Variants in TRAPPC9 observed in about 807,000 individuals in gnomAD.
TRAPPC9 encodes the protein trafficking protein particle complex subunit 9.
A neutral mutation model predicts 124.0 loss-of-function variants in TRAPPC9; 83 were observed. The ratio of observed to expected loss-of-function variants is 0.67; its 90% confidence interval spans 0.56 to 0.80. The LOEUF is 0.80. Among genes scored for constraint, TRAPPC9 ranks in the 30% least tolerant of loss-of-function variants. The pLI is 0.00. For missense variants in TRAPPC9, 1,302 were observed against 1,508.3 expected, an observed-to-expected ratio of 0.86 and a Z score of 2.27; for synonymous variants, 638 against 617.5, an observed-to-expected ratio of 1.03 and a Z score of -0.49.
intron 7 of TRAPPC9, among the ~76,000 whole-genome samples, chr8:140,394,049 G>C (rs747843168): frequency 6.6e-6 from 1 of 152,308 alleles, no homozygotes; most frequent in East Asian, 1.9e-4. Flanking sequence ...ACAGCAAAAG[G>C]ACAGGCTGCT....
At chr8:140,133,557 C>T (rs983402229) in intron 17 of TRAPPC9, among the ~76,000 whole-genome samples, 12 of 152,124 alleles carry the variant, frequency 7.9e-5, no homozygotes, top group African/African-American at 2.9e-4. Context: ...GAGTCTTCCT[C>T]AGAGCAATTA....
chr8:140,185,385 G>A (rs1434140967), intron 17 of TRAPPC9, among the ~76,000 whole-genome samples: 3 of 152,198 alleles, frequency 2.0e-5, no homozygotes, highest in East Asian at 1.9e-4. Flanking sequence ...CAGGTGCTAC[G>A]CCATCACCAA....
chr8:139,865,091 G>A (rs1021249596), intron 21 of TRAPPC9, among the ~76,000 whole-genome samples: 2 of 152,082 alleles, frequency 1.3e-5, no homozygotes, highest in African/African-American at 2.4e-5. Flanking sequence ...ATTAGGTGGC[G>A]GCAGAGGAAA....
intron 9 of TRAPPC9, among the ~76,000 whole-genome samples, chr8:140,358,099 G>A (rs970046043): frequency 3.9e-5 from 6 of 152,218 alleles, no homozygotes; most frequent in Admixed American, 3.9e-4. Flanking sequence ...AGAGATGGCC[G>A]TGGAAATCAC....
intron 17 of TRAPPC9, among the ~76,000 whole-genome samples, chr8:140,045,017 T>C (rs182245292): frequency 9.5e-4 from 144 of 152,258 alleles, no homozygotes; most frequent in African/African-American, 3.3e-3. Flanking sequence ...CAAAATAAGA[T>C]GCAGAATGAA....
At chr8:139,914,855 C>A (rs1335918693) in intron 19 of TRAPPC9, 1 of 152,302 alleles carries the variant, frequency 6.6e-6, no homozygotes, top group African/African-American at 2.4e-5. Flanking sequence ...CACAGGACGG[C>A]ACATCCCTCC....
At position 140,275,745 on chromosome 8, in the gene TRAPPC9, T is replaced by C; in HGVS notation, c.2191A>G (p.Ser731Gly). 2 of 1,613,964 alleles carry C rather than the reference T, an allele frequency of 1.2e-6. No homozygotes were observed. The highest frequency in any genetic ancestry group is 8.5e-7 in the Non-Finnish European group (1 of 1,179,792). The change falls in exon 15 of 23, where the codon AGT becomes GGT. Residue 731 changes from serine to glycine, a missense_variant. Around this residue, in one of 3 missense-constraint regions of TRAPPC9, gnomAD observed 640 missense variants for 679.3 expected, o/e 0.94. Coordinates refer to ENST00000438773, the MANE Select transcript of TRAPPC9 (RefSeq NM_001160372.4). ...NVSVQLYNGE[S>G]QQLIIKLENI... ...TCCAATTTAATGATTAGTTGCTGAC[T>C]TTCTCCATTGTAAAGCTGGACAGAT...
At position 140,353,122 on chromosome 8, in the gene TRAPPC9, A is replaced by T. The variant is rs1390724263; in HGVS notation, c.1495+6928T>A. 1.3e-5 allele frequency among the ~76,000 whole-genome samples: 2 copies of T among 152,176 alleles called. No individual in the cohort carries two copies. Among genetic ancestry groups the T allele is most frequent in the African/African-American group, 2.4e-5 (1 of 41,432 alleles). On this transcript the variant is annotated intron_variant, in intron 9 of 22. Transcript: ENST00000438773. The surrounding 1 kb of genome is among the most constrained non-coding windows in gnomAD (Gnocchi z 4.2). ...CACTGGACCACAGTAGAAGAGGTAAACCAAAAGACTTCAGATCCCAACAAG... is the reference window on the plus strand; with the variant it reads ...CACTGGACCACAGTAGAAGAGGTAATCCAAAAGACTTCAGATCCCAACAAG...
intron 17 of TRAPPC9, among the ~76,000 whole-genome samples, chr8:140,074,476 G>A (rs534228921): frequency 2.6e-5 from 4 of 152,294 alleles, no homozygotes; most frequent in Non-Finnish European, 4.4e-5. Context: ...TCTGCTTCCC[G>A]TCCACCAGGG....
At chr8:139,952,519 C>G (rs763729360) in intron 19 of TRAPPC9, among the ~76,000 whole-genome samples, 10 of 152,158 alleles carry the variant, frequency 6.6e-5, no homozygotes, top group African/African-American at 2.4e-4. Context: ...CCCGGCAGCT[C>G]GGGTCACCAG....
intron 9 of TRAPPC9, among the ~76,000 whole-genome samples, chr8:140,335,296 T>C (rs1039323983): frequency 4.6e-5 from 7 of 152,214 alleles, no homozygotes; most frequent in South Asian, 4.1e-4. Flanking sequence ...ATTCCAAGTA[T>C]AGGTGTTGAG....
intron 9 of TRAPPC9, among the ~76,000 whole-genome samples, chr8:140,345,815 G>A (rs1232786467): frequency 1.3e-5 from 2 of 152,230 alleles, no homozygotes; most frequent in African/African-American, 4.8e-5. Context: ...CACCACGGAA[G>A]GGGTCACGGG....
At chr8:140,441,282 T>G (rs927213775) in intron 2 of TRAPPC9, among the ~76,000 whole-genome samples, 24 of 151,848 alleles carry the variant, frequency 1.6e-4, no homozygotes, top group Non-Finnish European at 2.8e-4. Flanking sequence ...CAGCTCTTAC[T>G]CTCAAAGGTA....
At chr8:140,265,234 C>T (rs1000961097) in intron 15 of TRAPPC9, among the ~76,000 whole-genome samples, 1 of 152,184 alleles carries the variant, frequency 6.6e-6, no homozygotes, top group Non-Finnish European at 1.5e-5. Flanking sequence ...TGTTCAAAGT[C>T]CCACCTTCAG....
chr8:140,080,053 A>T (rs1441679719), intron 17 of TRAPPC9, among the ~76,000 whole-genome samples: 1 of 152,244 alleles, frequency 6.6e-6, no homozygotes, highest in Non-Finnish European at 1.5e-5. Flanking sequence ...AGTTTGCTTT[A>T]AGAAATGACA....
At chr8:140,073,718 T>G (rs913922548) in intron 17 of TRAPPC9, among the ~76,000 whole-genome samples, 5 of 152,126 alleles carry the variant, frequency 3.3e-5, no homozygotes, top group Non-Finnish European at 7.3e-5. Context: ...TCATCATCAT[T>G]CTCAACACCG....
At chr8:139,885,603 G>A (rs895573758) in intron 21 of TRAPPC9, among the ~76,000 whole-genome samples, 9 of 152,332 alleles carry the variant, frequency 5.9e-5, no homozygotes, top group South Asian at 4.1e-4. Context: ...GCCAAGATCC[G>A]CCTGCTGCAC....
chr8:139,895,045 G>A (rs993911714), intron 20 of TRAPPC9, among the ~76,000 whole-genome samples: 4 of 152,198 alleles, frequency 2.6e-5, no homozygotes, highest in South Asian at 2.1e-4. Context: ...ACCAGAAACC[G>A]GAGGGCTCAA....
At chr8:140,291,189 G>T (rs993011213) in intron 11 of TRAPPC9, 111 bp from the exon 12 acceptor site, 3 of 973,506 alleles carry the variant, frequency 3.1e-6, no homozygotes, top group African/African-American at 3.2e-5. Flanking sequence ...GAGGCAGCAG[G>T]CTCTATGATC....
Sources: gnomAD v4.1 joint callset for allele counts (sites outside exome capture counted in the v4.1 genomes callset) on GRCh38, gnomAD v4.1.1 for gene constraint, gnomAD v4.1.1 regional missense constraint, Gnocchi (gnomAD v3.1) non-coding constraint, MANE v1.5 for transcripts, NCBI Gene and HGNC (gene_info 2026-07-23, HGNC 2026-07-21) for gene names.